The following NCALD variants were observed in gnomAD, a reference collection of about 807,000 sequenced individuals.
NCALD encodes the protein neurocalcin delta, also known as neurocalcin-delta.
A neutral mutation model predicts 18.6 loss-of-function variants in NCALD; 10 were observed. The observed-to-expected ratio is 0.54, with a 90% CI of 0.33 to 0.91. NCALD has a LOEUF of 0.91. NCALD is among the 40% of genes least tolerant of loss of function. The probability of loss-of-function intolerance (pLI) is 0.03; values close to 1 mark genes in which losing one functional copy is unlikely to be tolerated. For synonymous variants in NCALD, 88 were observed against 87.4 expected (o/e 1.01, Z -0.04); for missense variants, 184 against 247.6 (o/e 0.74, Z 1.72).
At chr8:101,740,336 C>T (rs1175884760) in intron 1 of NCALD, among the ~76,000 whole-genome samples, 1 of 152,240 alleles carries the variant, frequency 6.6e-6, no homozygotes, top group Non-Finnish European at 1.5e-5. Context: ...TACACTATTT[C>T]AGCAGATCCT....
intron 1 of NCALD, among the ~76,000 whole-genome samples, chr8:102,044,873 T>C (rs1563569851): frequency 6.6e-6 from 1 of 152,022 alleles, no homozygotes; most frequent in Non-Finnish European, 1.5e-5. Flanking sequence ...TGGACACCAG[T>C]AGAACAGGGA....
intron 3 of NCALD, among the ~76,000 whole-genome samples, chr8:101,901,422 C>CT (rs1817417330): frequency 1.3e-5 from 2 of 151,622 alleles, no homozygotes; most frequent in Admixed American, 6.6e-5. Flanking sequence ...TTGTTCTCTA[C>CT]TTTTTTTCCT....
chr8:102,081,017 A>C, intron 1 of NCALD, among the ~76,000 whole-genome samples: 1 of 152,168 alleles, frequency 6.6e-6, no homozygotes, highest in South Asian at 2.1e-4. Context: ...AATCACCTGC[A>C]GCACTTTGTA....
chr8:102,109,971 C>G (rs1825590547), intron 1 of NCALD, among the ~76,000 whole-genome samples: 1 of 152,070 alleles, frequency 6.6e-6, no homozygotes, highest in Non-Finnish European at 1.5e-5. Flanking sequence ...TTTCACTTAA[C>G]CCTACGTCCC....
chr8:102,069,258 G>T (rs1824105576), intron 1 of NCALD, among the ~76,000 whole-genome samples: 1 of 151,486 alleles, frequency 6.6e-6, no homozygotes, highest in South Asian at 2.1e-4. Context: ...ATTTAATTTT[G>T]CACAATGTAA....
chr8:101,943,546 C>G (rs1753000312), intron 2 of NCALD, among the ~76,000 whole-genome samples: 1 of 152,154 alleles, frequency 6.6e-6, no homozygotes, highest in South Asian at 2.1e-4. Flanking sequence ...GGGGGCATGA[C>G]AGATATCCCA....
At chr8:101,723,479 G>C (rs1272677325) in intron 1 of NCALD, among the ~76,000 whole-genome samples, 2 of 151,850 alleles carry the variant, frequency 1.3e-5, no homozygotes, top group Non-Finnish European at 2.9e-5. Context: ...TTCCTATGAA[G>C]AACTTACACT....
chr8:102,117,709 T>C (rs914198100), intron 1 of NCALD, among the ~76,000 whole-genome samples: 1 of 152,204 alleles, frequency 6.6e-6, no homozygotes, highest in Non-Finnish European at 1.5e-5. Flanking sequence ...GAAAATATTC[T>C]TTTTATCTAA....
chr8:101,825,845 A>G (rs1419578164), intron 4 of NCALD, among the ~76,000 whole-genome samples: 1 of 152,222 alleles, frequency 6.6e-6, no homozygotes, highest in Non-Finnish European at 1.5e-5. Flanking sequence ...TAGACAATAT[A>G]TAAGTAAATA....
At chr8:102,066,856 C>A (rs1159499258) in intron 1 of NCALD, among the ~76,000 whole-genome samples, 1 of 152,224 alleles carries the variant, frequency 6.6e-6, no homozygotes, top group Non-Finnish European at 1.5e-5. Flanking sequence ...ATGAAGGAGG[C>A]AGTTGGCCTG....
At chr8:101,977,027 C>T (rs1820448503) in intron 2 of NCALD, among the ~76,000 whole-genome samples, 1 of 152,048 alleles carries the variant, frequency 6.6e-6, no homozygotes, top group Admixed American at 6.5e-5. Context: ...CTTCATCTCA[C>T]CATGATCTTT....
chr8:101,869,586 G>C (rs538583564), intron 4 of NCALD, among the ~76,000 whole-genome samples: 1 of 152,270 alleles, frequency 6.6e-6, no homozygotes, highest in African/African-American at 2.4e-5. Flanking sequence ...TGGGAGTCCT[G>C]CCACAAAGAG....
chr8:101,747,812 G>C (rs934092859), intron 1 of NCALD, among the ~76,000 whole-genome samples: 1 of 151,982 alleles, frequency 6.6e-6, no homozygotes, highest in East Asian at 1.9e-4. Context: ...CTCCCTCCTG[G>C]GTTCAAGTGA....
chr8:101,709,496 TC>T (rs1815687164), intron 2 of NCALD, among the ~76,000 whole-genome samples: 1 of 152,202 alleles, frequency 6.6e-6, no homozygotes, highest in East Asian at 1.9e-4. Flanking sequence ...ATTTGGCCTT[TC>T]AAGGGTCTTA....
intron 2 of NCALD, among the ~76,000 whole-genome samples, chr8:101,997,504 A>G (rs142423098): frequency 5.1e-4 from 78 of 152,326 alleles, no homozygotes; most frequent in African/African-American, 1.7e-3. Flanking sequence ...AGAAGCTTTC[A>G]CTGTATCATG....
At chr8:102,038,269 C>T (rs1206920466) in intron 1 of NCALD, among the ~76,000 whole-genome samples, 2 of 152,174 alleles carry the variant, frequency 1.3e-5, no homozygotes, top group East Asian at 1.9e-4. Context: ...AGTACCTTCC[C>T]ACACAGACTC....
intron 2 of NCALD, among the ~76,000 whole-genome samples, chr8:102,014,266 T>C (rs1202955724): frequency 6.6e-6 from 1 of 152,190 alleles, no homozygotes; most frequent in African/African-American, 2.4e-5. Context: ...GTCCTATTCC[T>C]GATTTATAGA....
chr8:101,767,331 T>G (rs1488330323), intron 1 of NCALD, among the ~76,000 whole-genome samples: 1 of 152,168 alleles, frequency 6.6e-6, no homozygotes, highest in Non-Finnish European at 1.5e-5. Flanking sequence ...AATACTAGTG[T>G]TTTTCATTGA....
chr8:102,031,076 C>T (rs1822653378), intron 1 of NCALD, among the ~76,000 whole-genome samples: 1 of 152,060 alleles, frequency 6.6e-6, no homozygotes, highest in South Asian at 2.1e-4. Flanking sequence ...TTATGTGCTT[C>T]CTGATGTAAA....
Sources: gnomAD v4.1 joint callset for allele counts (sites outside exome capture counted in the v4.1 genomes callset) on GRCh38, gnomAD v4.1.1 for gene constraint, MANE v1.5 for transcripts, NCBI Gene and HGNC (gene_info 2026-07-23, HGNC 2026-07-21) for gene names.